The following SOD3 variants were observed in gnomAD, a reference collection of about 807,000 sequenced individuals.
SOD3 encodes superoxide dismutase 3.
Under a neutral mutation model 2.6 loss-of-function variants are expected in SOD3, and 3 were observed. The ratio of observed to expected loss-of-function variants is 1.13; its 90% confidence interval spans 0.52 to 2.93. The LOEUF is 2.93. Ranked by LOEUF, SOD3 falls within the 30% of genes most tolerant of loss-of-function variation. SOD3 has a pLI of 0.04. For synonymous variants in SOD3, 188 were observed against 177.5 expected, an observed-to-expected ratio of 1.06 and a Z score of -0.47; for missense variants, 379 against 370.4, an observed-to-expected ratio of 1.02 and a Z score of -0.19.
At chr4:24,796,664 G>A (rs1428785817) in intron 1 of SOD3, among the ~76,000 whole-genome samples, 3 of 146,544 alleles carry the variant, frequency 2.0e-5, no homozygotes, top group African/African-American at 5.2e-5. Context: ...GTCTCTACCA[G>A]GTTGGTCTCA....
In SOD3 at chr4:24,800,282, G is replaced by T; in HGVS notation, c.*38G>T. 1 of 1,372,576 alleles carries T rather than the reference G, an allele frequency of 7.3e-7. No homozygotes were observed. The highest frequency in any genetic ancestry group is 9.4e-7 in the Non-Finnish European group (1 of 1,065,146). The allele number at this position is 1,372,576 out of a possible 1,614,324, so 85.0% of individuals were successfully genotyped here. ...CCCGGCGGCGGCCAGGGACCCCCGA[G>T]GCCCCCCTCTGCCTTTGAGCTTCTC... is the stretch of plus-strand genomic sequence containing the variant. On this transcript the variant is annotated 3_prime_UTR_variant, in exon 2 of 2. Transcript: ENST00000382120.
chr4:24,796,862 C>T (rs1049236160), intron 1 of SOD3, among the ~76,000 whole-genome samples: 2 of 152,104 alleles, frequency 1.3e-5, no homozygotes, highest in Admixed American at 6.6e-5. Context: ...TTGCTCTGTG[C>T]TTTTAGGGAG....
At chr4:24,796,496 G>GCT (rs1306649721) in intron 1 of SOD3, among the ~76,000 whole-genome samples, 4 of 120,104 alleles carry the variant, frequency 3.3e-5, no homozygotes, top group African/African-American at 1.2e-4. Flanking sequence ...CAGCACCCAG[G>GCT]CTGGAATGTA....
At chr4:24,797,305 A>G (rs1713695375) in intron 1 of SOD3, among the ~76,000 whole-genome samples, 1 of 152,188 alleles carries the variant, frequency 6.6e-6, no homozygotes, top group Non-Finnish European at 1.5e-5. Flanking sequence ...ACACACTTTC[A>G]AATCCTGCCT....
At position 24,800,013 on chromosome 4, in the gene SOD3, C is replaced by A. The variant is rs763607852; in HGVS notation, c.492C>A (p.Ala164=). ...GSLWRYRAGL[A]ASLAGPHSIV... Reference sequence around the variant, plus strand: ...TCTGGAGGTACCGCGCCGGCCTGGCCGCCTCGCTCGCGGGCCCGCACTCCA... The same window carrying A: ...TCTGGAGGTACCGCGCCGGCCTGGCAGCCTCGCTCGCGGGCCCGCACTCCA... Residue 164 remains alanine (A), a synonymous_variant, in exon 2 of 2, where the codon GCC becomes GCA. Coordinates refer to ENST00000382120, the MANE Select transcript of SOD3 (RefSeq NM_003102.4). The A allele has an allele frequency of 3.2e-6, 5 of 1,543,724 alleles. No homozygotes were observed. The Admixed American group carries it at 7.7e-5, about 24-fold the overall frequency.
chr4:24,799,643 A>G lies in SOD3; in HGVS notation c.122A>G (p.Lys41Arg). The G allele has an allele frequency of 6.2e-7, 1 of 1,604,690 alleles. No homozygotes were observed. Among genetic ancestry groups the G allele is most frequent in the South Asian group, 1.1e-5 (1 of 90,050 alleles). Residue 41 changes from lysine (K) to arginine (R), a missense_variant, in exon 2 of 2, where the codon AAG becomes AGG. Physicochemically the swap from Lys to Arg is conservative, Grantham distance 26. Transcript: ENST00000382120. ...SAEWIRDMYA[K>R]VTEIWQEVMQ... ...GAGTGGATCCGAGACATGTACGCCA[A>G]GGTCACGGAGATCTGGCAGGAGGTC...
At chr4:24,798,177 G>T (rs577737708) in intron 1 of SOD3, among the ~76,000 whole-genome samples, 62 of 152,036 alleles carry the variant, frequency 4.1e-4, no homozygotes, top group African/African-American at 1.4e-3. Flanking sequence ...CATCTGATGT[G>T]CAGTCAACAC....
At chr4:24,796,447 T>TTC in intron 1 of SOD3, among the ~76,000 whole-genome samples, 1 of 130,458 alleles carries the variant, frequency 7.7e-6, no homozygotes. Flanking sequence ...TTTTTTTTTT[T>TTC]TTTTTTTTTT....
rs763215709 is a variant in SOD3, at chr4:24,799,564, G to A, written c.43G>A (p.Ala15Thr). Residue 15 changes from alanine (A) to threonine (T), a missense_variant, in exon 2 of 2, where the codon GCC becomes ACC. By Grantham distance (58) the Ala-to-Thr change is moderately conservative. Transcript: ENST00000382120. ...LCSCLLLAAG[A>T]SDAWTGEDSA... is the part of the protein sequence containing the mutation. ...TTCCTGCCTGCTCCTGGCAGCCGGT[G>A]CCTCGGACGCCTGGACGGGCGAGGA... The A allele has an allele frequency of 6.2e-7, 1 of 1,601,852 alleles. No homozygotes were observed. The highest frequency in any genetic ancestry group is 1.7e-5 in the Admixed American group (1 of 59,768).
Position 24,800,186 on chromosome 4 carries a change from C to A in SOD3, c.665C>A (p.Ala222Glu). Residue 222 changes from alanine (A) to glutamate (E), a missense_variant, in exon 2 of 2, where the codon GCG becomes GAG. Physicochemically the swap from Ala to Glu is moderately radical, Grantham distance 107. Coordinates refer to ENST00000382120, the MANE Select transcript of SOD3 (RefSeq NM_003102.4). ...GGGCCCGGGCTCTGGGAGCGCCAGGCGCGGGAGCACTCAGAGCGCAAGAAG... is the reference window on the plus strand; with the variant it reads ...GGGCCCGGGCTCTGGGAGCGCCAGGAGCGGGAGCACTCAGAGCGCAAGAAG... ...VCGPGLWERQ[A>E]REHSERKKRR... 2 of 1,427,800 alleles carry A rather than the reference C, an allele frequency of 1.4e-6. No homozygotes were observed. Among genetic ancestry groups the A allele is most frequent in the Admixed American group, 3.0e-5 (1 of 33,798 alleles). The allele number at this position is 1,427,800 out of a possible 1,614,324, so 88.4% of individuals were successfully genotyped here.
At chr4:24,796,560 G>A (rs1181245793) in intron 1 of SOD3, among the ~76,000 whole-genome samples, 4 of 144,440 alleles carry the variant, frequency 2.8e-5, no homozygotes, top group Admixed American at 7.2e-5. Flanking sequence ...GGGCTCAAGC[G>A]ATCCTCCTAC....
Position 24,800,558 on chromosome 4 carries a change from A to C in SOD3, c.*314A>C. The C allele has an allele frequency of 8.3e-6, 2 of 239,956 alleles. No individual in the cohort carries two copies. Among genetic ancestry groups the C allele is most frequent in the East Asian group, 8.8e-5 (1 of 11,386 alleles). The allele number at this position is 239,956 out of a possible 1,614,324, so 14.9% of individuals were successfully genotyped here. A position where few individuals can be genotyped will look rare whatever the true frequency, so the allele number is the denominator to read the frequency against. ...CTTTCCACCCAGACCCTCCTTCCCC[A>C]CCCCATAAGCCCTGAGACTCCCGCC... On this transcript the variant is annotated 3_prime_UTR_variant, in exon 2 of 2. Coordinates refer to ENST00000382120, the MANE Select transcript of SOD3 (RefSeq NM_003102.4).
intron 1 of SOD3, among the ~76,000 whole-genome samples, chr4:24,796,435 CTTTTTTTTTTT>C (rs34368349): frequency 4.2e-5 from 3 of 71,938 alleles, no homozygotes; most frequent in Non-Finnish European, 6.7e-5. Flanking sequence ...TCCTTCTTCT[CTTTTTTTTTTT>C]TTTTTTTTTT....
chr4:24,800,497 G>C lies in SOD3; in HGVS notation c.*253G>C. The stretch of plus-strand genomic sequence containing the variant: ...GCCTCCATTTGTACCGAAACACCCC[G>C]CTCACGCTGACAGCCTCCTAGGCTC... On this transcript the variant is annotated 3_prime_UTR_variant, in exon 2 of 2. Coordinates refer to ENST00000382120, the MANE Select transcript of SOD3 (RefSeq NM_003102.4). 1 of 365,874 alleles carries C rather than the reference G, an allele frequency of 2.7e-6. No homozygotes were observed. The highest frequency in any genetic ancestry group is 2.1e-5 in the African/African-American group (1 of 47,010). 22.7% of individuals were successfully genotyped at this position (365,874 alleles called of 1,614,324 possible).
intron 1 of SOD3, among the ~76,000 whole-genome samples, chr4:24,798,690 C>G (rs141649873): frequency 2.5e-4 from 38 of 152,300 alleles, no homozygotes; most frequent in African/African-American, 9.1e-4. Flanking sequence ...AAAACTTCCA[C>G]TGCACTGCCT....
chr4:24,798,483 A>G (rs1024895081), intron 1 of SOD3, among the ~76,000 whole-genome samples: 2 of 151,706 alleles, frequency 1.3e-5, no homozygotes, highest in African/African-American at 4.8e-5. Flanking sequence ...CACTTTGGTA[A>G]AAGCCTTCAT....
rs1263275908 is a variant in SOD3, at chr4:24,800,250, GC to G, written c.*11del. 2 of 1,385,938 alleles carry G rather than the reference GC, an allele frequency of 1.4e-6. No individual in the cohort carries two copies. Among genetic ancestry groups the G allele is most frequent in the Non-Finnish European group, 1.9e-6 (2 of 1,074,202 alleles). The allele number at this position is 1,385,938 out of a possible 1,614,324, so 85.9% of individuals were successfully genotyped here. ...GCGAGTGCAAGGCCGCCTGAGCGCGGCCCCCACCCGGCGGCGGCCAGGGACC... is the reference window on the plus strand; with the variant it reads ...GCGAGTGCAAGGCCGCCTGAGCGCGGCCCCACCCGGCGGCGGCCAGGGACC... On this transcript the variant is annotated 3_prime_UTR_variant, in exon 2 of 2. Transcript: ENST00000382120.
Position 24,800,142 on chromosome 4 carries a change from C to T in SOD3, c.621C>T (p.Cys207=). ...GGAACGCGGGCCGGCGGCTGGCCTG[C>T]TGCGTGGTGGGCGTGTGCGGGCCCG... is the stretch of plus-strand genomic sequence containing the variant. ...ENGNAGRRLA[C]CVVGVCGPGL... Residue 207 remains cysteine (C), a synonymous_variant, in exon 2 of 2, where the codon TGC becomes TGT. Coordinates refer to ENST00000382120, the MANE Select transcript of SOD3 (RefSeq NM_003102.4). 2 of 1,387,024 alleles carry T rather than the reference C, an allele frequency of 1.4e-6. No individual in the cohort carries two copies. The highest frequency in any genetic ancestry group is 9.2e-7 in the Non-Finnish European group (1 of 1,081,370). 85.9% of individuals were successfully genotyped at this position (1,387,024 alleles called of 1,614,324 possible). A position where few individuals can be genotyped will look rare whatever the true frequency, so the allele number is the denominator to read the frequency against.
In SOD3 at chr4:24,799,800, C is replaced by G. The variant is rs748596636; in HGVS notation, c.279C>G (p.Leu93=). The G allele has an allele frequency of 1.8e-5, 29 of 1,592,166 alleles. No individual in the cohort carries two copies. The highest frequency in any genetic ancestry group is 1.6e-4 in the South Asian group (14 of 89,440). The change falls in exon 2 of 2, where the codon CTC becomes CTG. Residue 93 remains leucine, a synonymous_variant. Coordinates refer to ENST00000382120, the MANE Select transcript of SOD3 (RefSeq NM_003102.4). ...LFRQLAPRAK[L]DAFFALEGFP... is the part of the protein sequence containing the mutation. The stretch of plus-strand genomic sequence containing the variant: ...GGCAGCTTGCGCCCCGCGCCAAGCT[C>G]GACGCCTTCTTCGCCCTGGAGGGCT...
Sources: gnomAD v4.1 joint callset for allele counts (sites outside exome capture counted in the v4.1 genomes callset) on GRCh38, gnomAD v4.1.1 for gene constraint, MANE v1.5 for transcripts, NCBI Gene and HGNC (gene_info 2026-07-23, HGNC 2026-07-21) for gene names.